The following PCED1B variants were observed in gnomAD, a reference collection of about 807,000 sequenced individuals.
PCED1B encodes the protein PC-esterase domain containing 1B, also known as PC-esterase domain-containing protein 1B.
For missense variants in PCED1B, 573 were observed against 573.9 expected (o/e 1.00, Z 0.02); for synonymous variants, 251 against 246.1 (o/e 1.02, Z -0.19).
intron 2 of PCED1B, among the ~76,000 whole-genome samples, chr12:47,187,547 C>G (rs181003319): frequency 1.3e-5 from 2 of 152,094 alleles, no homozygotes; most frequent in African/African-American, 4.8e-5. Flanking sequence ...AAAGTGTAAA[C>G]AGTTAAATCC....
chr12:47,189,931 C>A (rs1255473421), intron 2 of PCED1B, among the ~76,000 whole-genome samples: 1 of 152,150 alleles, frequency 6.6e-6, no homozygotes, highest in Non-Finnish European at 1.5e-5. Flanking sequence ...AGAAGAGCTG[C>A]CTCTTGGGTC....
intron 2 of PCED1B, among the ~76,000 whole-genome samples, chr12:47,214,265 G>T (rs1259069500): frequency 6.6e-6 from 1 of 152,138 alleles, no homozygotes; most frequent in Non-Finnish European, 1.5e-5. Flanking sequence ...AATAGACAGT[G>T]ATGTAAAGTA....
At chr12:47,218,025 G>A (rs1334495210) in intron 3 of PCED1B, among the ~76,000 whole-genome samples, 2 of 152,174 alleles carry the variant, frequency 1.3e-5, no homozygotes, top group Non-Finnish European at 2.9e-5. Context: ...TAACCACTAA[G>A]CCCACTTTCC....
At chr12:47,196,187 T>G (rs536500316) in intron 2 of PCED1B, among the ~76,000 whole-genome samples, 21 of 152,302 alleles carry the variant, frequency 1.4e-4, no homozygotes, top group Middle Eastern at 3.4e-3. Context: ...CATAAAAAAG[T>G]AGGTAAATAA....
chr12:47,103,908 T>G (rs759733750), intron 1 of PCED1B, among the ~76,000 whole-genome samples: 83 of 152,216 alleles, frequency 5.5e-4, no homozygotes, highest in Non-Finnish European at 9.8e-4. Context: ...TTATGTGACT[T>G]TAATTAGTGA....
At chr12:47,099,825 G>A (rs1235424322) in intron 1 of PCED1B, among the ~76,000 whole-genome samples, 1 of 152,204 alleles carries the variant, frequency 6.6e-6, no homozygotes, top group Admixed American at 6.5e-5. Context: ...TTCTAGTTCA[G>A]CCCTGCCTCC....
At chr12:47,200,103 G>T (rs1942719016) in intron 2 of PCED1B, among the ~76,000 whole-genome samples, 1 of 152,136 alleles carries the variant, frequency 6.6e-6, no homozygotes, top group South Asian at 2.1e-4. Context: ...AGGAGGCTGA[G>T]GTGGGAGGAT....
At chr12:47,189,440 A>G (rs1331490967) in intron 2 of PCED1B, among the ~76,000 whole-genome samples, 1 of 152,212 alleles carries the variant, frequency 6.6e-6, no homozygotes, top group Non-Finnish European at 1.5e-5. Flanking sequence ...ATCTTGCTTA[A>G]ATAAGTCACT....
intron 3 of PCED1B, among the ~76,000 whole-genome samples, chr12:47,219,002 A>C (rs1943390972): frequency 6.6e-6 from 1 of 152,108 alleles, no homozygotes; most frequent in South Asian, 2.1e-4. Context: ...TTATCTGGGC[A>C]TGGTGGCAAA....
At chr12:47,150,781 T>C (rs1388024634) in intron 2 of PCED1B, among the ~76,000 whole-genome samples, 1 of 151,852 alleles carries the variant, frequency 6.6e-6, no homozygotes, top group Non-Finnish European at 1.5e-5. Context: ...GTGAACTGAC[T>C]GGGGTCCGCA....
chr12:47,219,286 G>A (rs1002090176), intron 3 of PCED1B, among the ~76,000 whole-genome samples: 34 of 152,144 alleles, frequency 2.2e-4, no homozygotes, highest in Non-Finnish European at 4.1e-4. Context: ...TCCCTTCAGA[G>A]GAGCATAGGT....
intron 2 of PCED1B, among the ~76,000 whole-genome samples, chr12:47,138,664 C>G (rs1224993239): frequency 6.6e-6 from 1 of 152,130 alleles, no homozygotes; most frequent in African/African-American, 2.4e-5. Context: ...GGATCCAGTA[C>G]GTATTTCACC....
chr12:47,235,928 C>G lies in PCED1B; in HGVS notation c.865C>G (p.Pro289Ala). The G allele has an allele frequency of 6.2e-7, 1 of 1,611,198 alleles. No homozygotes were observed. Among genetic ancestry groups the G allele is most frequent in the African/African-American group, 1.3e-5 (1 of 74,838 alleles). ...PQANRNHPAL[P>A]LSPPLPSPTY... Reference sequence around the variant, plus strand: ...GGCCAACAGAAATCACCCGGCCTTACCTCTGTCCCCACCCTTACCTTCCCC... The same window carrying G: ...GGCCAACAGAAATCACCCGGCCTTAGCTCTGTCCCCACCCTTACCTTCCCC... The change falls in exon 4 of 4, where the codon CCT (proline) becomes GCT (alanine). Residue 289 changes from proline to alanine, a missense_variant. Physicochemically the swap from Pro to Ala is conservative, Grantham distance 27 (BLOSUM62 -1). Coordinates refer to ENST00000546455, the MANE Select transcript of PCED1B (RefSeq NM_138371.3).
chr12:47,199,220 A>T (rs915471991), intron 2 of PCED1B, among the ~76,000 whole-genome samples: 1 of 152,198 alleles, frequency 6.6e-6, no homozygotes, highest in African/African-American at 2.4e-5. Context: ...GGAAAACTAC[A>T]AAACTGTGAT....
At position 47,139,820 on chromosome 12, in the gene PCED1B, G is replaced by A. The variant is rs115397901; in HGVS notation, c.-526+35625G>A. Among the ~76,000 whole-genome samples the A allele has an allele frequency of 5.3e-3, 804 of 152,176 alleles. 6 individuals carry two copies. Among genetic ancestry groups the A allele is most frequent in the African/African-American group, 0.018 (727 of 41,506 alleles). ...TGCTATGATGTGGCATGTGTATAGC[G>A]TATTTTTCTGTGCTTGGTGGAGAGT... is the stretch of plus-strand genomic sequence containing the variant. On this transcript the variant is annotated intron_variant, in intron 2 of 3. Transcript: ENST00000546455.
intron 1 of PCED1B, among the ~76,000 whole-genome samples, chr12:47,088,814 A>G (rs1366689516): frequency 6.6e-6 from 1 of 152,212 alleles, no homozygotes; most frequent in East Asian, 1.9e-4. Context: ...CATGCTTAAC[A>G]TGACGATTGT....
rs962733865 is a variant in PCED1B at position 47,235,456 on chromosome 12, T to C, written c.393T>C (p.Tyr131=). The C allele has an allele frequency of 1.9e-6, 3 of 1,613,976 alleles. No homozygotes were observed. The highest frequency in any genetic ancestry group is 2.5e-6 in the Non-Finnish European group (3 of 1,179,996). Residue 131 remains tyrosine (Y), a synonymous_variant, in exon 4 of 4, where the codon TAT becomes TAC. Coordinates refer to ENST00000546455, the MANE Select transcript of PCED1B (RefSeq NM_138371.3). The part of the protein sequence containing the change: ...MNSCLWDISR[Y]GPNSWRSYLE... Reference sequence around the variant, plus strand: ...CCTGCCTCTGGGACATCTCCAGGTATGGTCCGAACTCCTGGAGAAGCTACC... The same window carrying C: ...CCTGCCTCTGGGACATCTCCAGGTACGGTCCGAACTCCTGGAGAAGCTACC...
At chr12:47,103,104 TA>T (rs11450661) in intron 1 of PCED1B, among the ~76,000 whole-genome samples, 11 of 150,494 alleles carry the variant, frequency 7.3e-5, no homozygotes, top group African/African-American at 1.5e-4. Context: ...AACAGAGTTT[TA>T]AAAAAAAAAT....
chr12:47,226,315 G>C (rs967777886), intron 3 of PCED1B, among the ~76,000 whole-genome samples: 1 of 152,142 alleles, frequency 6.6e-6, no homozygotes, highest in Non-Finnish European at 1.5e-5. Flanking sequence ...ACATACATCC[G>C]TTTTAGCAGC....
Sources: allele counts gnomAD v4.1 joint callset (sites outside exome capture counted in the v4.1 genomes callset), GRCh38; gene constraint gnomAD v4.1.1; transcripts MANE v1.5; gene names NCBI Gene and HGNC (gene_info 2026-07-23, HGNC 2026-07-21).